Variants in MKKS observed in about 807,000 individuals in gnomAD.
MKKS encodes the protein MKKS centrosomal shuttling protein.
MKKS carries 29 observed loss-of-function variants against 33.2 expected under a neutral mutation model. That is an observed-to-expected ratio of 0.87 (90% confidence interval 0.65 to 1.19). MKKS has a LOEUF of 1.19. MKKS is among the 50% of genes most tolerant of loss of function. The pLI is 0.00. For synonymous variants in MKKS, 260 were observed against 244.0 expected, an observed-to-expected ratio of 1.07 and a Z score of -0.61; for missense variants, 661 against 662.3, an observed-to-expected ratio of 1.00 and a Z score of 0.02.
At chr20:10,428,485 C>G (rs1218168914) in intron 1 of MKKS, among the ~76,000 whole-genome samples, 1 of 152,196 alleles carries the variant, frequency 6.6e-6, no homozygotes, top group Non-Finnish European at 1.5e-5. Flanking sequence ...GACATTATAG[C>G]TCTTTAGGTA....
At chr20:10,414,265 CTTTT>C (rs533171103) in intron 2 of MKKS, among the ~76,000 whole-genome samples, 3 of 132,350 alleles carry the variant, frequency 2.3e-5, no homozygotes, top group Non-Finnish European at 3.2e-5. Context: ...GTCTCTGAGT[CTTTT>C]TTTTTTTTTT....
chr20:10,408,581 A>AT, intron 4 of MKKS, 47 bp downstream of exon 4: 3 of 1,591,388 alleles, frequency 1.9e-6, no homozygotes, highest in Non-Finnish European at 2.6e-6. Context: ...TGAGTGACTA[A>AT]TTCCTCCCTC....
At chr20:10,418,121 G>T (rs2064953372) in intron 2 of MKKS, among the ~76,000 whole-genome samples, 1 of 152,300 alleles carries the variant, frequency 6.6e-6, no homozygotes, top group Admixed American at 6.5e-5. Flanking sequence ...ATGCAAATGT[G>T]TTTGTGTATG....
intron 4 of MKKS, 80 bp downstream of exon 4, chr20:10,408,548 G>GA (rs901132300): frequency 5.3e-4 from 762 of 1,446,306 alleles, no homozygotes; most frequent in Non-Finnish European, 6.1e-4. Flanking sequence ...GGGAAGCTAC[G>GA]AAAAAAAAAT....
chr20:10,417,466 CCA>C, intron 2 of MKKS, among the ~76,000 whole-genome samples: 1 of 151,454 alleles, frequency 6.6e-6, no homozygotes, highest in Non-Finnish European at 1.5e-5. Context: ...TAGAACTTAG[CCA>C]GGTGTGGTGG....
At position 10,418,016 on chromosome 20, in the gene MKKS, GA is replaced by G. The variant is rs529446801; in HGVS notation, c.-418+2511del. On this transcript the variant is annotated intron_variant, in intron 2 of 5. Coordinates refer to ENST00000347364, the MANE Select transcript of MKKS (RefSeq NM_170784.3). ...GGATCCTGATTCCAACAAACCACCT[GA>G]AAAGATTTTTTATAGACAAATTCAG... Among the ~76,000 whole-genome samples the G allele has an allele frequency of 3.6e-4, 55 of 152,246 alleles. No individual in the cohort carries two copies. In the East Asian group the frequency reaches 9.6e-3, roughly 27 times the overall value.
intron 2 of MKKS, among the ~76,000 whole-genome samples, chr20:10,417,029 C>T (rs759954674): frequency 1.3e-4 from 20 of 151,956 alleles, no homozygotes; most frequent in Non-Finnish European, 2.6e-4. Context: ...TGAATAGTCG[C>T]TAATAATTAT....
Position 10,405,471 on chromosome 20 carries a change from A to G in MKKS, c.1489T>C (p.Cys497Arg). 6.2e-7 allele frequency: 1 copy of G among 1,614,190 alleles called. No individual in the cohort carries two copies. The highest frequency in any genetic ancestry group is 8.5e-7 in the Non-Finnish European group (1 of 1,180,036). ...VANWPDLLSQ[C>R]GCGLYNSQEE... ...TGGCTATTGTATAATCCACAGCCAC[A>G]CTGTGAAAGCAAATCTGGCCAGTTA... is the stretch of plus-strand genomic sequence containing the variant. Residue 497 changes from cysteine to arginine, a missense_variant, in exon 6 of 6, where the codon TGT becomes CGT. Physicochemically the swap from Cys to Arg is radical, Grantham distance 180. Coordinates refer to ENST00000347364, the MANE Select transcript of MKKS (RefSeq NM_170784.3).
At chr20:10,405,713 A>G (rs1006095853) in intron 5 of MKKS, 26 bp from the exon 6 acceptor site, 2 of 1,549,218 alleles carry the variant, frequency 1.3e-6, no homozygotes, top group Non-Finnish European at 1.8e-6. Context: ...AACATTGAAA[A>G]CACATACAAA....
intron 2 of MKKS, among the ~76,000 whole-genome samples, chr20:10,416,479 A>T (rs1049338953): frequency 3.2e-4 from 49 of 150,906 alleles, no homozygotes; most frequent in Admixed American, 1.6e-3. Context: ...CTTTAGCATT[A>T]AAAAAAAACA....
intron 3 of MKKS, 42 bp downstream of exon 3, chr20:10,412,488 A>G (rs372712354): frequency 5.2e-5 from 83 of 1,600,732 alleles, no homozygotes; most frequent in Non-Finnish European, 6.9e-5. Context: ...AAAAAGTGTG[A>G]TTTATTAACT....
chr20:10,409,775 A>G (rs1303322838), intron 3 of MKKS, among the ~76,000 whole-genome samples: 1 of 151,930 alleles, frequency 6.6e-6, no homozygotes, highest in Non-Finnish European at 1.5e-5. Context: ...GTTCGAGACC[A>G]GCCTGGCCAA....
intron 1 of MKKS, among the ~76,000 whole-genome samples, chr20:10,427,029 G>GACACACACACACACACACACACACAC (rs377703248): frequency 2.8e-4 from 36 of 130,784 alleles, no homozygotes; most frequent in South Asian, 5.3e-4. Context: ...AGAAAACACT[G>GACACACACACACACACACACACACAC]ACACACACAC....
rs2064831489 is a variant in MKKS at position 10,405,086 on chromosome 20, A to G, written c.*161T>C. The G allele has an allele frequency of 1.8e-5, 10 of 557,920 alleles. No homozygotes were observed. In the South Asian group the frequency reaches 2.9e-4, roughly 16 times the overall value. 34.6% of individuals were successfully genotyped at this position (557,920 alleles called of 1,614,324 possible). On this transcript the variant is annotated 3_prime_UTR_variant, in exon 6 of 6. Coordinates refer to ENST00000347364, the MANE Select transcript of MKKS (RefSeq NM_170784.3). ...TTGTTTCATGGCATTTCCATTCACG[A>G]ATCACCTTTTTTCCTAAATAAGTGT... is the stretch of plus-strand genomic sequence containing the variant.
In MKKS at chr20:10,431,541, C is replaced by T. The variant is rs537723711; in HGVS notation, c.-649+2567G>A. The T allele has an allele frequency of 3.3e-5, 5 of 151,580 alleles. No individual in the cohort carries two copies. The East Asian group carries it at 7.8e-4, about 24-fold the overall frequency. The allele number at this position is 151,580 out of a possible 1,614,324, so 9.4% of individuals were successfully genotyped here. A position where few individuals can be genotyped will look rare whatever the true frequency, so the allele number is the denominator to read the frequency against. ...TATAGGGTCAAAAAACCAAACCAAA[C>T]CAAACCAAACCAAACCAAACCAAAC... On this transcript the variant is annotated intron_variant, in intron 1 of 5. Transcript: ENST00000347364.
chr20:10,407,399 C>T (rs540422833), intron 5 of MKKS, among the ~76,000 whole-genome samples: 1 of 152,100 alleles, frequency 6.6e-6, no homozygotes, highest in African/African-American at 2.4e-5. Context: ...TTGTTATTTC[C>T]CTCAAGTGTT....
rs192520906 is a variant in MKKS at position 10,406,959 on chromosome 20, C to T, written c.1272+657G>A. Among the ~76,000 whole-genome samples the T allele has an allele frequency of 2.9e-3, 440 of 152,196 alleles. 1 individual carries two copies. The highest frequency in any genetic ancestry group is 4.8e-3 in the Admixed American group (74 of 15,294). ...GAAAACACCTATACCTTTTTCTATC[C>T]ATTTTCAAATAAAGTAGGCCAGTAC... On this transcript the variant is annotated intron_variant, in intron 5 of 5. Coordinates refer to ENST00000347364, the MANE Select transcript of MKKS (RefSeq NM_170784.3).
chr20:10,427,889 G>A (rs1230113830), intron 1 of MKKS, among the ~76,000 whole-genome samples: 1 of 152,146 alleles, frequency 6.6e-6, no homozygotes, highest in Non-Finnish European at 1.5e-5. Context: ...AACCATTCAA[G>A]GTCAGCTTGA....
In MKKS at chr20:10,402,890, T is replaced by G. The variant is rs1203034524; in HGVS notation, c.*2357A>C. The G allele has an allele frequency of 1.3e-5, 2 of 152,250 alleles. No homozygotes were observed. Among genetic ancestry groups the G allele is most frequent in the Non-Finnish European group, 2.9e-5 (2 of 68,046 alleles). The allele number at this position is 152,250 out of a possible 1,614,324, so 9.4% of individuals were successfully genotyped here. A position where few individuals can be genotyped will look rare whatever the true frequency, so the allele number is the denominator to read the frequency against. On this transcript the variant is annotated 3_prime_UTR_variant, in exon 6 of 6. Coordinates refer to ENST00000347364, the MANE Select transcript of MKKS (RefSeq NM_170784.3). ...TTTCCTCCTGCCTTTATTAGATAGC[T>G]ATTGCTGTATAAGAAAGTACATCCC...
Sources: gnomAD v4.1 joint callset for allele counts (sites outside exome capture counted in the v4.1 genomes callset) on GRCh38, gnomAD v4.1.1 for gene constraint, MANE v1.5 for transcripts, NCBI Gene and HGNC (gene_info 2026-07-23, HGNC 2026-07-21) for gene names.